Variants in CNPY3 observed in about 807,000 individuals in gnomAD.
The protein encoded by CNPY3 is canopy FGF signaling regulator 3.
CNPY3 carries 20 observed loss-of-function variants against 32.0 expected under a neutral mutation model. The ratio of observed to expected loss-of-function variants is 0.63; its 90% CI spans 0.44 to 0.91. CNPY3 has a LOEUF of 0.91. Ranked by LOEUF, CNPY3 falls within the 40% of genes least tolerant of loss-of-function variation. CNPY3 has a pLI of 0.00. For missense variants in CNPY3, 299 were observed against 340.8 expected (o/e 0.88, Z 0.97); for synonymous variants, 138 against 142.9 (o/e 0.97, Z 0.24).
chr6:42,937,631 T>A (rs1415265902), intron 3 of CNPY3, 86 bp from the exon 4 acceptor site: 1 of 1,444,918 alleles, frequency 6.9e-7, no homozygotes, highest in East Asian at 2.3e-5. Context: ...ATTGGTCTTA[T>A]AGCTGGGTTC....
At chr6:42,933,060 G>A (rs1418813770) in intron 1 of CNPY3, among the ~76,000 whole-genome samples, 3 of 152,178 alleles carry the variant, frequency 2.0e-5, no homozygotes, top group Admixed American at 6.5e-5. Flanking sequence ...TCTATGTGGA[G>A]AGACACATCA....
At position 42,938,770 on chromosome 6, in the gene CNPY3, C is replaced by G. The variant is rs200549681; in HGVS notation, c.816C>G (p.His272Gln). 1 of 1,612,278 alleles carries G rather than the reference C, an allele frequency of 6.2e-7. No individual in the cohort carries two copies. Among genetic ancestry groups the G allele is most frequent in the East Asian group, 2.2e-5 (1 of 44,834 alleles). ...EGIQKASPLT[H>Q]SPPDEL ...TCCAGAAGGCATCCCCTCTCACACACAGCCCCCCTGATGAGCTCTGAGCCC... is the reference window on the plus strand; with the variant it reads ...TCCAGAAGGCATCCCCTCTCACACAGAGCCCCCCTGATGAGCTCTGAGCCC... Residue 272 changes from histidine to glutamine, a missense_variant, in exon 6 of 6, where the codon CAC (histidine) becomes CAG (glutamine). By Grantham distance (24) the His-to-Gln change is conservative. Coordinates refer to ENST00000372836, the MANE Select transcript of CNPY3 (RefSeq NM_006586.5).
At chr6:42,931,740 T>C (rs1340582277) in intron 1 of CNPY3, among the ~76,000 whole-genome samples, 1 of 152,052 alleles carries the variant, frequency 6.6e-6, no homozygotes, top group East Asian at 1.9e-4. Flanking sequence ...TTATTTTTTT[T>C]TGAGACGGAG....
intron 1 of CNPY3, among the ~76,000 whole-genome samples, chr6:42,933,639 AT>A (rs1379566785): frequency 1.1e-4 from 17 of 152,174 alleles, no homozygotes; most frequent in Admixed American, 1.1e-3. Flanking sequence ...TAATTGTTCT[AT>A]GGTTATGTAG....
At chr6:42,929,005 C>G (rs1266475862), upstream of CNPY3, among the ~76,000 whole-genome samples, 1 of 152,116 alleles carries the variant, frequency 6.6e-6, no homozygotes, top group African/African-American at 2.4e-5. Flanking sequence ...GCACCTTAAG[C>G]GCCTACAAGA....
At chr6:42,931,377 CT>C (rs796540345) in intron 1 of CNPY3, among the ~76,000 whole-genome samples, 196 of 140,946 alleles carry the variant, frequency 1.4e-3, no homozygotes, top group Non-Finnish European at 1.4e-3. Context: ...CGTGCCTGGC[CT>C]TTTTTTTTTT....
rs1767618882 is a variant in CNPY3, at chr6:42,929,636, G to A, written c.66G>A (p.Leu22=). 2 of 1,556,062 alleles carry A rather than the reference G, an allele frequency of 1.3e-6. No homozygotes were observed. Among genetic ancestry groups the A allele is most frequent in the South Asian group, 2.4e-5 (2 of 84,818 alleles). ...LLLLPLLLLL[L]LLLPAPELGP... ...TTCTTCCCTTGCTGCTGCTGCTGCTGCTGCTGCTGCCGGCCCCGGAGCTGG... is the reference window on the plus strand; with the variant it reads ...TTCTTCCCTTGCTGCTGCTGCTGCTACTGCTGCTGCCGGCCCCGGAGCTGG... Residue 22 remains leucine, a synonymous_variant, in exon 1 of 6, where the codon CTG becomes CTA. Coordinates refer to ENST00000372836, the MANE Select transcript of CNPY3 (RefSeq NM_006586.5).
chr6:42,929,820 T>G, intron 1 of CNPY3, 99 bp downstream of exon 1: 2 of 1,347,300 alleles, frequency 1.5e-6, no homozygotes, highest in Non-Finnish European at 2.0e-6. Context: ...TTCCGAGCTC[T>G]GCAGGGTGTC....
At position 42,932,975 on chromosome 6, in the gene CNPY3, A is replaced by G. The variant is rs538453082; in HGVS notation, c.152-1500A>G. On this transcript the variant is annotated intron_variant, in intron 1 of 5. Transcript: ENST00000372836. The stretch of plus-strand genomic sequence containing the variant: ...TATCAACAAGATTTATCGAGCGTCC[A>G]GCATATATCAAGTCCCAGGCTAAGG... Among the ~76,000 whole-genome samples, 21 of 152,360 alleles carry G rather than the reference A, an allele frequency of 1.4e-4. No individual in the cohort carries two copies. The South Asian group carries it at 4.1e-3, about 30-fold the overall frequency.
upstream of CNPY3, chr6:42,929,416 T>G (rs879095948): frequency 1.2e-6 from 1 of 805,648 alleles, no homozygotes; most frequent in South Asian, 1.9e-5. Flanking sequence ...GAAGGCGGGC[T>G]GCGGCTGCGA....
intron 1 of CNPY3, 38 bp downstream of exon 1, chr6:42,929,759 G>A (rs1429431663): frequency 3.3e-6 from 5 of 1,527,164 alleles, no homozygotes; most frequent in Non-Finnish European, 3.5e-6. Flanking sequence ...TCCTGCCGGA[G>A]GGGCTGGCTC....
intron 1 of CNPY3, among the ~76,000 whole-genome samples, chr6:42,931,227 CTTTT>C (rs58670140): frequency 2.3e-5 from 3 of 128,930 alleles, no homozygotes; most frequent in Admixed American, 7.7e-5. Context: ...GTCCTGATAG[CTTTT>C]TTTTTTTTTT....
At chr6:42,934,637 T>C (rs1042184488) in intron 2 of CNPY3, 39 bp downstream of exon 2, 45 of 1,611,674 alleles carry the variant, frequency 2.8e-5, no homozygotes, top group Non-Finnish European at 3.7e-5. Context: ...CCTGCGTTGC[T>C]GCTGGAGGCT....
Position 42,938,665 on chromosome 6 carries a change from C to A in CNPY3, c.711C>A (p.Gly237=). Reference sequence around the variant, plus strand: ...AGAGCAGCAGGGCCAAGGCAGCAGGCGGCAGGAGTAGCAGCAGCAAACAAA... The same window carrying A: ...AGAGCAGCAGGGCCAAGGCAGCAGGAGGCAGGAGTAGCAGCAGCAAACAAA... ...KKKSSRAKAA[G]GRSSSSKQRK... The change falls in exon 6 of 6, where the codon GGC becomes GGA. Residue 237 remains glycine (G), a synonymous_variant. Coordinates refer to ENST00000372836, the MANE Select transcript of CNPY3 (RefSeq NM_006586.5). 6.2e-7 allele frequency: 1 copy of A among 1,613,372 alleles called. No homozygotes were observed. The highest frequency in any genetic ancestry group is 8.5e-7 in the Non-Finnish European group (1 of 1,179,686).
chr6:42,928,811 C>A (rs547817189), upstream of CNPY3, among the ~76,000 whole-genome samples: 1 of 152,294 alleles, frequency 6.6e-6, no homozygotes, highest in East Asian at 1.9e-4. Flanking sequence ...AGCTTTAATT[C>A]TATTAACCTA....
intron 1 of CNPY3, among the ~76,000 whole-genome samples, chr6:42,932,908 T>C (rs1021719588): frequency 1.2e-4 from 18 of 152,220 alleles, no homozygotes; most frequent in Admixed American, 8.5e-4. Context: ...GCATTTAGCC[T>C]TCAGACTGGT....
In CNPY3 at chr6:42,937,826, AC is replaced by A; in HGVS notation, c.484del (p.Leu162SerfsTer15). 1.2e-6 allele frequency: 2 copies of A among 1,614,112 alleles called. No homozygotes were observed. The highest frequency in any genetic ancestry group is 1.7e-6 in the Non-Finnish European group (2 of 1,180,008). ...LWNETSAEVA[D>X]LKKQCDVLVE... ...AACGAGACTTCTGCAGAGGTGGCTGACCTCAAGAAGCAGGTACAGGCCCTTC... is the reference window on the plus strand; with the variant it reads ...AACGAGACTTCTGCAGAGGTGGCTGACTCAAGAAGCAGGTACAGGCCCTTC... On this transcript the variant is annotated frameshift_variant, in exon 4 of 6. Transcript: ENST00000372836. LOFTEE classifies it high-confidence loss of function.
chr6:42,937,689 G>A (rs199589341), intron 3 of CNPY3, 28 bp from the exon 4 acceptor site: 881 of 1,597,818 alleles, frequency 5.5e-4, no homozygotes, highest in Non-Finnish European at 7.1e-4. Context: ...AGGGAGCTCC[G>A]CCTGCCATAT....
At chr6:42,928,012 G>T (rs1020707176), upstream of CNPY3, among the ~76,000 whole-genome samples, 4 of 150,794 alleles carry the variant, frequency 2.7e-5, no homozygotes, top group African/African-American at 7.3e-5. Context: ...TTTTGAGATG[G>T]AGTCTTGCCC....
Sources: allele counts gnomAD v4.1 joint callset (sites outside exome capture counted in the v4.1 genomes callset), GRCh38; gene constraint gnomAD v4.1.1; transcripts MANE v1.5; gene names NCBI Gene and HGNC (gene_info 2026-07-23, HGNC 2026-07-21).